HOOK3: variants seen among roughly 807,000 people sequenced by gnomAD.
HOOK3 encodes protein Hook homolog 3.
Under a neutral mutation model 116.3 loss-of-function variants are expected in HOOK3, and 24 were observed. The ratio of observed to expected loss-of-function variants is 0.21; its 90% CI spans 0.15 to 0.29. The LOEUF (loss-of-function observed/expected upper bound fraction) is 0.29, where lower values mean the gene tolerates loss of function less well. Among genes scored for constraint, HOOK3 ranks in the 10% least tolerant of loss-of-function variants. The pLI is 1.00. For synonymous variants in HOOK3, 275 were observed against 283.0 expected, an observed-to-expected ratio of 0.97 and a Z score of 0.28; for missense variants, 632 against 830.2, an observed-to-expected ratio of 0.76 and a Z score of 2.93.
chr8:43,010,648 C>T (rs1292796380), intron 19 of HOOK3, among the ~76,000 whole-genome samples: 1 of 152,192 alleles, frequency 6.6e-6, no homozygotes, highest in Admixed American at 6.5e-5. Flanking sequence ...GTGGCACTTG[C>T]CACCTTATTA....
At chr8:42,938,217 C>CTTTTTTTTTTTTTTTTTTTTTTT (rs145868661) in intron 4 of HOOK3, among the ~76,000 whole-genome samples, 5 of 132,290 alleles carry the variant, frequency 3.8e-5, no homozygotes, top group African/African-American at 5.8e-5. Context: ...GCAACCCCTG[C>CTTTTTTTTTTTTTTTTTTTTTTT]TTTTTTTTTT....
intron 1 of HOOK3, among the ~76,000 whole-genome samples, chr8:42,901,701 G>A (rs1291832057): frequency 6.6e-6 from 1 of 152,118 alleles, no homozygotes; most frequent in Non-Finnish European, 1.5e-5. Context: ...TAAATCCCAA[G>A]AGAAAAAAAC....
At chr8:42,916,197 C>T (rs908038652) in intron 2 of HOOK3, among the ~76,000 whole-genome samples, 7 of 152,306 alleles carry the variant, frequency 4.6e-5, no homozygotes, top group African/African-American at 1.2e-4. Context: ...ATATTGCCGC[C>T]GCCTCTTATC....
chr8:42,982,815 C>G, intron 14 of HOOK3, 119 bp downstream of exon 14: 1 of 676,674 alleles, frequency 1.5e-6, no homozygotes, highest in East Asian at 2.7e-5. Context: ...TCAACATGAA[C>G]TCAGTGTTAA....
chr8:42,966,611 G>T lies in HOOK3; in HGVS notation c.918G>T (p.Leu306=), dbSNP rs758015165. 6.2e-7 allele frequency: 1 copy of T among 1,614,030 alleles called. No individual in the cohort carries two copies. The highest frequency in any genetic ancestry group is 8.5e-7 in the Non-Finnish European group (1 of 1,179,948). ...CTCTGAAAGATGAGATCGACGTGCT[G>T]AGGTAAAAACCTCACCTTCACCGCC... ...AQSLKDEIDV[L]RHSSDKVSKL... Residue 306 remains leucine (L), a splice_region_variant and synonymous_variant, in exon 10 of 22, where the codon CTG becomes CTT. Transcript: ENST00000307602.
At chr8:42,897,864 C>T (rs1046945499) in intron 1 of HOOK3, among the ~76,000 whole-genome samples, 2 of 152,176 alleles carry the variant, frequency 1.3e-5, no homozygotes, top group Non-Finnish European at 2.9e-5. Context: ...TTCCTGAAGC[C>T]GGGTCTTCAG....
chr8:42,992,768 T>G (rs1464127149), intron 15 of HOOK3, among the ~76,000 whole-genome samples: 1 of 152,008 alleles, frequency 6.6e-6, no homozygotes, highest in Non-Finnish European at 1.5e-5. Context: ...ATTTGTAATT[T>G]GACTTCTTCC....
intron 2 of HOOK3, among the ~76,000 whole-genome samples, chr8:42,913,366 A>G (rs1807470340): frequency 6.6e-6 from 1 of 152,208 alleles, no homozygotes; most frequent in South Asian, 2.1e-4. Context: ...TCTAAATTTT[A>G]TATAAATGGA....
intron 2 of HOOK3, among the ~76,000 whole-genome samples, chr8:42,920,930 T>C (rs138824023): frequency 1.2e-3 from 178 of 152,346 alleles, no homozygotes; most frequent in African/African-American, 4.2e-3. Flanking sequence ...GTGTATATGA[T>C]AGTAGCAGCT....
chr8:42,995,601 C>G (rs1024180455), intron 15 of HOOK3, among the ~76,000 whole-genome samples: 5 of 152,066 alleles, frequency 3.3e-5, no homozygotes, highest in Admixed American at 2.6e-4. Flanking sequence ...TGCTCATGGC[C>G]TCAGTTAACT....
chr8:43,017,991 C>T (rs1425456936), intron 21 of HOOK3, among the ~76,000 whole-genome samples: 1 of 152,192 alleles, frequency 6.6e-6, no homozygotes, highest in African/African-American at 2.4e-5. Flanking sequence ...TAAATAAACC[C>T]TGTGATTTCT....
rs1288213251 is a variant in HOOK3, at chr8:43,024,638, C to T, written c.*6140C>T. ...GGAAGGCTATTCTCAATGTATCTGTCGTCTAATTTTTTATTTTCTATCTAT... is the reference window on the plus strand; with the variant it reads ...GGAAGGCTATTCTCAATGTATCTGTTGTCTAATTTTTTATTTTCTATCTAT... On this transcript the variant is annotated 3_prime_UTR_variant, in exon 22 of 22. Transcript: ENST00000307602. 2 of 185,496 alleles carry T rather than the reference C, an allele frequency of 1.1e-5. No individual in the cohort carries two copies. The highest frequency in any genetic ancestry group is 2.3e-5 in the African/African-American group (1 of 42,670). The allele number at this position is 185,496 out of a possible 1,614,324, so 11.5% of individuals were successfully genotyped here. A position where few individuals can be genotyped will look rare whatever the true frequency, so the allele number is the denominator to read the frequency against.
At chr8:42,916,129 C>T (rs1378937234) in intron 2 of HOOK3, among the ~76,000 whole-genome samples, 1 of 152,224 alleles carries the variant, frequency 6.6e-6, no homozygotes, top group East Asian at 1.9e-4. Context: ...TCACCACCTT[C>T]CAGCACCCCT....
intron 8 of HOOK3, among the ~76,000 whole-genome samples, chr8:42,964,099 C>T (rs1254362792): frequency 1.3e-5 from 2 of 152,140 alleles, no homozygotes; most frequent in East Asian, 1.9e-4. Context: ...CCCAGCTACT[C>T]GGGAGGCTAA....
chr8:43,002,187 A>T, intron 17 of HOOK3, 46 bp downstream of exon 17: 1 of 1,456,110 alleles, frequency 6.9e-7, no homozygotes, highest in South Asian at 1.2e-5. Flanking sequence ...AGTGGAACAC[A>T]TGTGCTTTGT....
rs188582867 is a variant in HOOK3 at position 42,973,399 on chromosome 8, C to T, written c.1233C>T (p.Asp411=). 136 of 1,605,210 alleles carry T rather than the reference C, an allele frequency of 8.5e-5. No homozygotes were observed. In the East Asian group the frequency reaches 2.6e-3, roughly 30 times the overall value. ...EKVDSLQKEK[D]RLRTERDSLK... is the part of the protein sequence containing the mutation. ...TTGACAGTCTTCAAAAAGAAAAGGA[C>T]GTGAGTATATATATTAGGCATTTTG... The change falls in exon 12 of 22, where the codon GAC becomes GAT. Residue 411 remains aspartate (D), a splice_region_variant and synonymous_variant. Coordinates refer to ENST00000307602, the MANE Select transcript of HOOK3 (RefSeq NM_032410.4).
At chr8:42,909,769 A>G (rs1807386429) in intron 2 of HOOK3, among the ~76,000 whole-genome samples, 1 of 152,166 alleles carries the variant, frequency 6.6e-6, no homozygotes, top group African/African-American at 2.4e-5. Flanking sequence ...CCATGTCCCC[A>G]AAGAAGGAAA....
intron 8 of HOOK3, among the ~76,000 whole-genome samples, chr8:42,963,165 T>A (rs1279066161): frequency 1.3e-5 from 2 of 152,062 alleles, no homozygotes; most frequent in African/African-American, 4.8e-5. Flanking sequence ...TTGTTAATTC[T>A]TTCTTATTGC....
chr8:42,992,300 T>G (rs1186971968), intron 15 of HOOK3, among the ~76,000 whole-genome samples: 3 of 145,004 alleles, frequency 2.1e-5, no homozygotes, highest in Admixed American at 7.2e-5. Flanking sequence ...CTCAGGAGGC[T>G]GAGGCAGGAG....
Sources: gnomAD v4.1 joint callset for allele counts (sites outside exome capture counted in the v4.1 genomes callset) on GRCh38, gnomAD v4.1.1 for gene constraint, MANE v1.5 for transcripts, NCBI Gene and HGNC (gene_info 2026-07-23, HGNC 2026-07-21) for gene names.